The following LARGE1 variants were observed in gnomAD, a reference collection of about 807,000 sequenced individuals.
LARGE1 encodes the protein xylosyl- and glucuronyltransferase LARGE1.
In LARGE1, 43 loss-of-function variants were observed where a neutral mutation model predicts 87.6. That is an observed-to-expected ratio of 0.49 (90% CI 0.38 to 0.63). The LOEUF (loss-of-function observed/expected upper bound fraction) is 0.63, where lower values mean the gene tolerates loss of function less well. LARGE1 is among the 30% of genes least tolerant of loss of function. The pLI, the probability that LARGE1 is intolerant of heterozygous loss-of-function variation, is 0.00. For synonymous variants in LARGE1, 434 were observed against 394.6 expected (o/e 1.10, Z -1.18); for missense variants, 802 against 1,000.2 (o/e 0.80, Z 2.67).
intron 2 of LARGE1, among the ~76,000 whole-genome samples, chr22:33,658,801 C>G (rs2081043127): frequency 6.6e-6 from 1 of 152,136 alleles, no homozygotes; most frequent in Non-Finnish European, 1.5e-5. Context: ...GGGTTTTCAG[C>G]ATTTTTAAAA....
rs955293190 is a variant in LARGE1 at position 33,598,826 on chromosome 22, A to G, written c.615+5609T>C. The stretch of plus-strand genomic sequence containing the variant: ...CTTTGCTATTGTGAATAGAGCCACA[A>G]TAAACATACATGTGCATGTGTCTTT... On this transcript the variant is annotated intron_variant, in intron 5 of 14. Coordinates refer to ENST00000397394, the MANE Select transcript of LARGE1 (RefSeq NM_133642.5). Among the ~76,000 whole-genome samples, 7 of 152,238 alleles carry G rather than the reference A, an allele frequency of 4.6e-5. No homozygotes were observed. The East Asian group carries it at 7.7e-4, about 17-fold the overall frequency.
chr22:33,167,658 G>A (rs1922344740), intron 11 of LARGE1, among the ~76,000 whole-genome samples: 1 of 152,200 alleles, frequency 6.6e-6, no homozygotes, highest in East Asian at 1.9e-4. Context: ...AAAAGCCTGA[G>A]ACAGGATTCT....
At chr22:33,895,774 C>G (rs1049090691) in intron 1 of LARGE1, among the ~76,000 whole-genome samples, 12 of 152,192 alleles carry the variant, frequency 7.9e-5, no homozygotes, top group Non-Finnish European at 1.3e-4. Flanking sequence ...AAGTGACATC[C>G]TTCGCCTCTG....
intron 13 of LARGE1, among the ~76,000 whole-genome samples, chr22:33,282,053 A>C (rs897816672): frequency 6.6e-6 from 1 of 152,238 alleles, no homozygotes; most frequent in Admixed American, 6.5e-5. Context: ...TCACTTTAAC[A>C]CTGGAGCAGG....
chr22:33,351,238 T>G (rs1940344943), intron 9 of LARGE1, among the ~76,000 whole-genome samples: 1 of 152,178 alleles, frequency 6.6e-6, no homozygotes, highest in Non-Finnish European at 1.5e-5. Flanking sequence ...GAAGCCACCC[T>G]GCCATAACAG....
At chr22:33,434,214 A>G (rs764528019) in intron 6 of LARGE1, among the ~76,000 whole-genome samples, 9 of 152,174 alleles carry the variant, frequency 5.9e-5, no homozygotes, top group Non-Finnish European at 1.2e-4. Flanking sequence ...TAACCTCACA[A>G]TGAGGATGGG....
intron 1 of LARGE1, among the ~76,000 whole-genome samples, chr22:33,780,526 T>C (rs2085385457): frequency 6.6e-6 from 1 of 152,084 alleles, no homozygotes; most frequent in South Asian, 2.1e-4. Context: ...CTGAATGGTG[T>C]GAAAGAAGGA....
the LARGE1 span, among the ~76,000 whole-genome samples, chr22:33,146,021 C>T: frequency 2.0e-5 from 3 of 152,210 alleles, no homozygotes; most frequent in East Asian, 3.8e-4. Context: ...TCCCATTCAA[C>T]TCCTTTATTA....
At chr22:33,564,701 T>C in intron 6 of LARGE1, 147 bp downstream of exon 6, 1 of 757,150 alleles carries the variant, frequency 1.3e-6, no homozygotes, top group Non-Finnish European at 2.3e-6. Context: ...GCAGAGTTGA[T>C]ATTGAACCAT....
chr22:33,540,985 A>G (rs1451802440), intron 6 of LARGE1, among the ~76,000 whole-genome samples: 1 of 142,846 alleles, frequency 7.0e-6, no homozygotes, highest in African/African-American at 2.6e-5. Context: ...AAAAAATATA[A>G]AAATTAGCCA....
the LARGE1 span, among the ~76,000 whole-genome samples, chr22:33,141,122 A>C: frequency 6.6e-6 from 1 of 151,978 alleles, no homozygotes; most frequent in Non-Finnish European, 1.5e-5. Context: ...ACTGAAATCT[A>C]TGGAAAAAAT....
chr22:33,632,211 G>A (rs1444771591), intron 3 of LARGE1, among the ~76,000 whole-genome samples: 2 of 152,088 alleles, frequency 1.3e-5, no homozygotes, highest in South Asian at 2.1e-4. Flanking sequence ...CAACCTCCGT[G>A]TCCCAGGTTC....
chr22:33,457,454 G>T (rs1309553731), intron 6 of LARGE1, among the ~76,000 whole-genome samples: 1 of 151,646 alleles, frequency 6.6e-6, no homozygotes, highest in African/African-American at 2.4e-5. Context: ...ACCAAGCCCG[G>T]CCTAATTTGT....
chr22:33,308,437 T>C (rs1157975748), intron 11 of LARGE1, among the ~76,000 whole-genome samples: 3 of 152,208 alleles, frequency 2.0e-5, no homozygotes, highest in Non-Finnish European at 4.4e-5. Flanking sequence ...GTGACAGCTC[T>C]TTGAGCTTCA....
intron 1 of LARGE1, among the ~76,000 whole-genome samples, chr22:33,859,255 A>G (rs2063844321): frequency 6.6e-6 from 1 of 152,232 alleles, no homozygotes. Flanking sequence ...GTATCATGAT[A>G]ATAATGTTGT....
At chr22:33,649,623 C>T (rs914941931) in intron 3 of LARGE1, among the ~76,000 whole-genome samples, 1 of 152,186 alleles carries the variant, frequency 6.6e-6, no homozygotes, top group Admixed American at 6.5e-5. Context: ...GTACTCTCTG[C>T]ATAAATCACT....
At chr22:33,251,816 C>A (rs1422492718) in intron 11 of LARGE1, among the ~76,000 whole-genome samples, 1 of 152,128 alleles carries the variant, frequency 6.6e-6, no homozygotes, top group Non-Finnish European at 1.5e-5. Context: ...ATGCCTGGCT[C>A]GTAAAGAAGT....
At chr22:33,269,918 T>C (rs1421310034), downstream of LARGE1, among the ~76,000 whole-genome samples, 1 of 149,884 alleles carries the variant, frequency 6.7e-6, no homozygotes, top group African/African-American at 2.5e-5. Context: ...GGCAGGAGAA[T>C]GGTGTGAACC....
intron 1 of LARGE1, among the ~76,000 whole-genome samples, chr22:33,818,529 GC>G (rs898934951): frequency 1.6e-4 from 24 of 152,262 alleles, no homozygotes; most frequent in African/African-American, 5.5e-4. Flanking sequence ...GGGGACTGTG[GC>G]CCTGAGAAGA....
Sources: gnomAD v4.1 joint callset for allele counts (sites outside exome capture counted in the v4.1 genomes callset) on GRCh38, gnomAD v4.1.1 for gene constraint, MANE v1.5 for transcripts, NCBI Gene and HGNC (gene_info 2026-07-23, HGNC 2026-07-21) for gene names.